ZNF664: variants seen among roughly 807,000 people sequenced by gnomAD.
ZNF664 encodes the protein zinc finger protein 664.
A neutral mutation model predicts 18.2 loss-of-function variants in ZNF664; 10 were observed. The ratio of observed to expected loss-of-function variants is 0.55; its 90% confidence interval spans 0.34 to 0.93. The LOEUF (loss-of-function observed/expected upper bound fraction) is 0.93. ZNF664 is among the 40% of genes least tolerant of loss of function. The pLI is 0.02. For missense variants in ZNF664, 193 were observed against 319.0 expected (o/e 0.61, Z 3.01); for synonymous variants, 119 against 104.2 (o/e 1.14, Z -0.86).
rs754770978 is a variant in ZNF664 at position 124,012,559 on chromosome 12, G to A, written c.415G>A (p.Gly139Arg). 2.9e-5 allele frequency: 46 copies of A among 1,613,822 alleles called. No homozygotes were observed. Among genetic ancestry groups the A allele is most frequent in the Non-Finnish European group, 3.4e-5 (40 of 1,179,950 alleles). The change falls in exon 5 of 5, where the codon GGA becomes AGA. Residue 139 changes from glycine to arginine, a missense_variant. Coordinates refer to ENST00000337815, the MANE Select transcript of ZNF664 (RefSeq NM_152437.3). The part of the protein sequence containing the change: ...NLCMHQRVHT[G>R]EKPFKCEECG... ...TTGCATGCATCAGAGAGTCCACACC[G>A]GAGAGAAGCCCTTTAAATGTGAAGA...
At chr12:124,005,387 C>A (rs1957059205) in intron 3 of ZNF664, among the ~76,000 whole-genome samples, 1 of 151,938 alleles carries the variant, frequency 6.6e-6, no homozygotes, top group Non-Finnish European at 1.5e-5. Flanking sequence ...ATGCAGTCAG[C>A]ATTTTTGAAA....
intron 2 of ZNF664, among the ~76,000 whole-genome samples, chr12:123,976,810 T>G (rs904823463): frequency 6.7e-6 from 1 of 149,398 alleles, no homozygotes; most frequent in Non-Finnish European, 1.5e-5. Flanking sequence ...ATCCTGGCCA[T>G]GCACAGTGGC....
At chr12:123,980,758 G>T (rs1956754978) in intron 2 of ZNF664, among the ~76,000 whole-genome samples, 1 of 152,190 alleles carries the variant, frequency 6.6e-6, no homozygotes, top group South Asian at 2.1e-4. Context: ...ATATGTAGAA[G>T]AAATTAGATG....
Position 123,976,504 on chromosome 12 carries a change from T to C in ZNF664, c.-757+2484T>C, listed in dbSNP as rs922077175. Among the ~76,000 whole-genome samples the C allele has an allele frequency of 1.3e-4, 20 of 152,104 alleles. 1 individual carries two copies. The highest frequency in any genetic ancestry group is 8.3e-4 in the South Asian group (4 of 4,816). On this transcript the variant is annotated intron_variant, in intron 2 of 4. Transcript: ENST00000337815. Reference sequence around the variant, plus strand: ...CCAGGGGCCAGATCAAGTAGGGTCATGTAGGGCAGGTTAAAGTGGTTGTAT... The same window carrying C: ...CCAGGGGCCAGATCAAGTAGGGTCACGTAGGGCAGGTTAAAGTGGTTGTAT...
rs376617834 is a variant in ZNF664 at position 123,984,027 on chromosome 12, AG to A, written c.-756-4014del. Among the ~76,000 whole-genome samples the A allele has an allele frequency of 7.2e-4, 110 of 152,314 alleles. 1 individual carries two copies. The highest frequency in any genetic ancestry group is 2.6e-3 in the African/African-American group (109 of 41,568). ...GTGTGAAGAGCCGAGGTTTCTGAGC[AG>A]GTGTTTGAGTGCCCTCTGGAGGCCT... On this transcript the variant is annotated intron_variant, in intron 2 of 4. Coordinates refer to ENST00000337815, the MANE Select transcript of ZNF664 (RefSeq NM_152437.3).
intron 3 of ZNF664, among the ~76,000 whole-genome samples, chr12:124,007,677 A>C (rs1957088580): frequency 6.6e-6 from 1 of 152,162 alleles, no homozygotes; most frequent in Non-Finnish European, 1.5e-5. Context: ...GCAGGAAAGG[A>C]ATATCTTAGC....
intron 3 of ZNF664, among the ~76,000 whole-genome samples, chr12:124,004,520 T>G (rs187266829): frequency 6.6e-6 from 1 of 152,376 alleles, no homozygotes; most frequent in East Asian, 1.9e-4. Context: ...CTTTGTAATT[T>G]AGAACACTGT....
chr12:123,999,565 G>T (rs1204839085), intron 3 of ZNF664, among the ~76,000 whole-genome samples: 1 of 152,098 alleles, frequency 6.6e-6, no homozygotes, highest in African/African-American at 2.4e-5. Flanking sequence ...TAATTGTATA[G>T]TTATTTAAAA....
intron 3 of ZNF664, chr12:123,997,710 C>G (rs1956966124): frequency 6.6e-6 from 1 of 152,102 alleles, no homozygotes; most frequent in Non-Finnish European, 1.5e-5. Context: ...AAGGTCACAT[C>G]CTGAGGTTCT....
At chr12:124,002,532 G>GC (rs1957024800) in intron 3 of ZNF664, among the ~76,000 whole-genome samples, 1 of 152,210 alleles carries the variant, frequency 6.6e-6, no homozygotes, top group Non-Finnish European at 1.5e-5. Flanking sequence ...GTGCAGGCAG[G>GC]AGGTGACCGT....
In ZNF664 at chr12:123,978,366, A is replaced by G. The variant is rs569478352; in HGVS notation, c.-757+4346A>G. Among the ~76,000 whole-genome samples the G allele has an allele frequency of 2.0e-5, 3 of 152,358 alleles. No homozygotes were observed. The South Asian group carries it at 6.2e-4, about 32-fold the overall frequency. The stretch of plus-strand genomic sequence containing the variant: ...TGTGAAACATTGGAAAAGCTGTGTA[A>G]TTCATTAATAATCAAATCACTAATT... On this transcript the variant is annotated intron_variant, in intron 2 of 4. Coordinates refer to ENST00000337815, the MANE Select transcript of ZNF664 (RefSeq NM_152437.3).
intron 2 of ZNF664, among the ~76,000 whole-genome samples, chr12:123,984,966 G>A (rs1956806792): frequency 6.6e-6 from 1 of 152,084 alleles, no homozygotes; most frequent in Non-Finnish European, 1.5e-5. Context: ...AGAATGTGCA[G>A]GGAACTGGGA....
intron 3 of ZNF664, among the ~76,000 whole-genome samples, chr12:123,996,193 A>G (rs916351172): frequency 6.6e-6 from 1 of 152,212 alleles, no homozygotes; most frequent in Non-Finnish European, 1.5e-5. Flanking sequence ...GCAATTTTCA[A>G]AGCAACCTTA....
At position 124,012,543 on chromosome 12, in the gene ZNF664, T is replaced by C; in HGVS notation, c.399T>C (p.His133=). The change falls in exon 5 of 5, where the codon CAT becomes CAC. Residue 133 remains histidine (H), a synonymous_variant. Coordinates refer to ENST00000337815, the MANE Select transcript of ZNF664 (RefSeq NM_152437.3). The part of the protein sequence containing the change: ...GFSNSSNLCM[H]QRVHTGEKPF... ...GTAATAGTTCAAACCTTTGCATGCATCAGAGAGTCCACACCGGAGAGAAGC... is the reference window on the plus strand; with the variant it reads ...GTAATAGTTCAAACCTTTGCATGCACCAGAGAGTCCACACCGGAGAGAAGC... 2 of 1,614,144 alleles carry C rather than the reference T, an allele frequency of 1.2e-6. No individual in the cohort carries two copies. Among genetic ancestry groups the C allele is most frequent in the Non-Finnish European group, 1.7e-6 (2 of 1,180,026 alleles).
At chr12:123,999,578 G>A (rs1002546968) in intron 3 of ZNF664, among the ~76,000 whole-genome samples, 5 of 152,250 alleles carry the variant, frequency 3.3e-5, no homozygotes, top group Middle Eastern at 6.8e-3. Flanking sequence ...ATTTAAAAAC[G>A]ACTTTAGATT....
At chr12:124,011,150 G>A (rs927676501) in intron 3 of ZNF664, 1 of 247,838 alleles carries the variant, frequency 4.0e-6, no homozygotes, top group Admixed American at 6.5e-5. Context: ...TATCTCCAAA[G>A]GCAGCAATGT....
chr12:123,992,855 A>G (rs1956904334), intron 3 of ZNF664, among the ~76,000 whole-genome samples: 1 of 152,180 alleles, frequency 6.6e-6, no homozygotes, highest in Non-Finnish European at 1.5e-5. Context: ...ATTTGACCAC[A>G]GAGATTTAGA....
chr12:123,983,259 G>T (rs1299858701), intron 2 of ZNF664, among the ~76,000 whole-genome samples: 1 of 152,184 alleles, frequency 6.6e-6, no homozygotes, highest in African/African-American at 2.4e-5. Context: ...TGAAAGAAGA[G>T]AATTTTTAAA....
intron 2 of ZNF664, among the ~76,000 whole-genome samples, chr12:123,977,723 TATTTAAACATATTATAGAGCCACATTC>T (rs1244040520): frequency 6.6e-6 from 1 of 152,130 alleles, no homozygotes; most frequent in African/African-American, 2.4e-5. Flanking sequence ...GAGACAAATA[TATTTAAACATATTATAGAGCCACATTC>T]ATTAAAACAG....
Sources: allele counts gnomAD v4.1 joint callset (sites outside exome capture counted in the v4.1 genomes callset), GRCh38; gene constraint gnomAD v4.1.1; transcripts MANE v1.5; gene names NCBI Gene and HGNC (gene_info 2026-07-23, HGNC 2026-07-21).